NDUFA5: variants seen among roughly 807,000 people sequenced by gnomAD.
NDUFA5 encodes the protein NADH:ubiquinone oxidoreductase subunit A5, also known as NADH dehydrogenase [ubiquinone] 1 alpha subcomplex subunit 5.
In NDUFA5, 11 loss-of-function variants were observed where a neutral mutation model predicts 19.8. The observed-to-expected ratio is 0.56, with a 90% CI of 0.35 to 0.92. The LOEUF (loss-of-function observed/expected upper bound fraction) is 0.92. Among genes scored for constraint, NDUFA5 ranks in the 40% least tolerant of loss-of-function variants. NDUFA5 has a pLI of 0.01. For synonymous variants in NDUFA5, 47 were observed against 46.8 expected (o/e 1.00, Z -0.01); for missense variants, 109 against 134.2 (o/e 0.81, Z 0.93).
intron 3 of NDUFA5, among the ~76,000 whole-genome samples, chr7:123,546,293 G>C (rs992392933): frequency 1.3e-5 from 2 of 152,040 alleles, no homozygotes; most frequent in African/African-American, 2.4e-5. Context: ...GTATGTATAA[G>C]ACAGTACATA....
At chr7:123,569,438 A>G in the NDUFA5 span, among the ~76,000 whole-genome samples, 3 of 152,198 alleles carry the variant, frequency 2.0e-5, no homozygotes, top group Non-Finnish European at 4.4e-5. Context: ...AAAAGTCATT[A>G]CTACCTGGTG....
At chr7:123,542,348 T>G (rs1797971645) in intron 4 of NDUFA5, 128 bp from the exon 5 acceptor site, 1 of 605,490 alleles carries the variant, frequency 1.7e-6, no homozygotes. Context: ...CACCATCAAA[T>G]GTTGAATATT....
the NDUFA5 span, among the ~76,000 whole-genome samples, chr7:123,564,671 G>T: frequency 6.6e-6 from 1 of 151,518 alleles, no homozygotes; most frequent in Non-Finnish European, 1.5e-5. Context: ...TGATCTCCAA[G>T]TTACAATGTT....
chr7:123,585,237 A>G, the NDUFA5 span, among the ~76,000 whole-genome samples: 1 of 151,722 alleles, frequency 6.6e-6, no homozygotes, highest in Non-Finnish European at 1.5e-5. Context: ...TAATTTTTAA[A>G]TTTCTGAAAA....
At chr7:123,546,889 A>G (rs1178272046) in intron 3 of NDUFA5, 3 of 429,734 alleles carry the variant, frequency 7.0e-6, no homozygotes, top group African/African-American at 2.0e-5. Context: ...TACAGCAAAG[A>G]CTTCACATAT....
chr7:123,598,396 C>G, the NDUFA5 span, among the ~76,000 whole-genome samples: 2 of 152,040 alleles, frequency 1.3e-5, no homozygotes, highest in African/African-American at 2.4e-5. Flanking sequence ...ACTGGCAGAA[C>G]TTAGACTAAG....
chr7:123,580,156 G>T, the NDUFA5 span, among the ~76,000 whole-genome samples: 5 of 151,966 alleles, frequency 3.3e-5, no homozygotes, highest in Non-Finnish European at 7.4e-5. Context: ...AGGAAATGGG[G>T]GAGTGGCAAG....
chr7:123,556,676 A>G (rs983859930), intron 2 of NDUFA5: 2 of 373,182 alleles, frequency 5.4e-6, no homozygotes, highest in Non-Finnish European at 1.0e-5. Flanking sequence ...GGATTTGGCA[A>G]CATGGAGATA....
At chr7:123,575,863 C>T in the NDUFA5 span, among the ~76,000 whole-genome samples, 1 of 147,978 alleles carries the variant, frequency 6.8e-6, no homozygotes, top group African/African-American at 2.5e-5. Context: ...ACTATGTCTC[C>T]ATATCAAATT....
the NDUFA5 span, among the ~76,000 whole-genome samples, chr7:123,573,827 T>G: frequency 6.6e-6 from 1 of 152,182 alleles, no homozygotes; most frequent in Non-Finnish European, 1.5e-5. Flanking sequence ...TGTTCCAGTT[T>G]TATTTCTGTT....
chr7:123,564,139 A>G, the NDUFA5 span, among the ~76,000 whole-genome samples: 2 of 152,218 alleles, frequency 1.3e-5, no homozygotes, highest in African/African-American at 2.4e-5. Context: ...TTTGTAAATC[A>G]ATAAAACAAC....
chr7:123,578,967 T>C, the NDUFA5 span, among the ~76,000 whole-genome samples: 4 of 152,100 alleles, frequency 2.6e-5, no homozygotes, highest in Admixed American at 1.3e-4. Context: ...ATGGATATTG[T>C]ATAATGCTGG....
At chr7:123,556,149 T>C (rs1022978947) in intron 2 of NDUFA5, 1 of 152,172 alleles carries the variant, frequency 6.6e-6, no homozygotes, top group African/African-American at 2.4e-5. Flanking sequence ...GATTTCAAGT[T>C]TCTGACCTGA....
chr7:123,543,847 C>T (rs1045814858), intron 4 of NDUFA5, among the ~76,000 whole-genome samples: 4 of 151,956 alleles, frequency 2.6e-5, no homozygotes, highest in East Asian at 1.9e-4. Context: ...GCCAACCTGA[C>T]GAATATAAAG....
chr7:123,583,190 A>G, the NDUFA5 span, among the ~76,000 whole-genome samples: 1 of 151,992 alleles, frequency 6.6e-6, no homozygotes. Flanking sequence ...CAGGAGTTCA[A>G]GATCAGCTGG....
the NDUFA5 span, among the ~76,000 whole-genome samples, chr7:123,564,071 T>A: frequency 0.065 from 9,843 of 152,290 alleles, 351 homozygotes; most frequent in Non-Finnish European, 0.079. Flanking sequence ...GGGAAGAAGA[T>A]ATCTGCAACC....
At chr7:123,579,209 T>C in the NDUFA5 span, among the ~76,000 whole-genome samples, 4 of 152,260 alleles carry the variant, frequency 2.6e-5, no homozygotes, top group Admixed American at 6.5e-5. Flanking sequence ...GCTGTATCCA[T>C]GTTGCTGAAA....
chr7:123,584,039 T>C, the NDUFA5 span, among the ~76,000 whole-genome samples: 1 of 151,942 alleles, frequency 6.6e-6, no homozygotes, highest in Admixed American at 6.6e-5. Flanking sequence ...ATCTCTATTT[T>C]TATATGTGCA....
intron 1 of NDUFA5, 118 bp downstream of exon 1, chr7:123,557,656 TC>T: frequency 6.2e-7 from 1 of 1,612,412 alleles, no homozygotes; most frequent in Non-Finnish European, 8.5e-7. Context: ...GCAGAACGAG[TC>T]CCCGAAAAGC....
Sources: gnomAD v4.1 joint callset for allele counts (sites outside exome capture counted in the v4.1 genomes callset) on GRCh38, gnomAD v4.1.1 for gene constraint, MANE v1.5 for transcripts, NCBI Gene and HGNC (gene_info 2026-07-23, HGNC 2026-07-21) for gene names.